UNC13C: variants seen among roughly 807,000 people sequenced by gnomAD.
UNC13C encodes the protein unc-13 homolog C.
Under a neutral mutation model 245.4 loss-of-function variants are expected in UNC13C, and 174 were observed. The ratio of observed to expected loss-of-function variants is 0.71; its 90% CI spans 0.63 to 0.80. The LOEUF is 0.80. UNC13C is among the 30% of genes least tolerant of loss of function. UNC13C has a pLI of 0.00. For missense variants in UNC13C, 2,829 were observed against 2,602.9 expected, an observed-to-expected ratio of 1.09 and a Z score of -1.89; for synonymous variants, 992 against 895.1, an observed-to-expected ratio of 1.11 and a Z score of -1.93.
the UNC13C span, among the ~76,000 whole-genome samples, chr15:53,888,767 T>C: frequency 0.023 from 3,552 of 152,306 alleles, 151 homozygotes; most frequent in African/African-American, 0.081. Context: ...TTTCCATGTA[T>C]GGCTAGCCAG....
intron 24 of UNC13C, 116 bp from the exon 25 acceptor site, chr15:54,525,433 G>GA: frequency 1.9e-6 from 1 of 537,992 alleles, no homozygotes; most frequent in South Asian, 4.4e-5. Flanking sequence ...AAAAAGAAGA[G>GA]AAAAAAGCTT....
chr15:54,630,129 G>A (rs981262516), downstream of UNC13C: 2 of 152,182 alleles, frequency 1.3e-5, no homozygotes, highest in African/African-American at 4.8e-5. Flanking sequence ...GCAAAGCTCT[G>A]TTGCTTGTCT....
At chr15:53,982,102 A>G (rs1005270163) in intron 1 of UNC13C, among the ~76,000 whole-genome samples, 3 of 152,130 alleles carry the variant, frequency 2.0e-5, no homozygotes, top group Non-Finnish European at 2.9e-5. Context: ...TTAAAAAGTA[A>G]TCATAAAAGA....
the UNC13C span, among the ~76,000 whole-genome samples, chr15:53,944,485 C>G: frequency 6.6e-6 from 1 of 152,064 alleles, no homozygotes. Context: ...CATTTAGCTC[C>G]CACTTACAAG....
intron 2 of UNC13C, among the ~76,000 whole-genome samples, chr15:54,113,306 C>G (rs1485108604): frequency 6.6e-6 from 1 of 152,142 alleles, no homozygotes; most frequent in East Asian, 1.9e-4. Context: ...ATCTACTAAA[C>G]TCTGGGATTA....
At chr15:54,348,830 G>A (rs533344332) in intron 17 of UNC13C, among the ~76,000 whole-genome samples, 1 of 152,086 alleles carries the variant, frequency 6.6e-6, no homozygotes, top group Non-Finnish European at 1.5e-5. Flanking sequence ...ATCCAATTCT[G>A]TAACTCTTAA....
chr15:53,961,805 C>T, the UNC13C span, among the ~76,000 whole-genome samples: 493 of 152,206 alleles, frequency 3.2e-3, 22 homozygotes, highest in East Asian at 0.083. Flanking sequence ...CAAATATGTA[C>T]AGTAGCAGAA....
intron 1 of UNC13C, among the ~76,000 whole-genome samples, chr15:54,008,635 C>T (rs928976437): frequency 3.3e-5 from 5 of 152,056 alleles, no homozygotes; most frequent in Non-Finnish European, 4.4e-5. Flanking sequence ...GTTATCTTTG[C>T]GTTCACCCTC....
chr15:54,027,653 A>G (rs1490452939), intron 2 of UNC13C, among the ~76,000 whole-genome samples: 5 of 152,148 alleles, frequency 3.3e-5, no homozygotes, highest in African/African-American at 1.2e-4. Context: ...TCACAGACGT[A>G]AGCCACAGTG....
At chr15:54,320,275 A>G (rs976916286) in intron 13 of UNC13C, among the ~76,000 whole-genome samples, 1 of 152,008 alleles carries the variant, frequency 6.6e-6, no homozygotes. Flanking sequence ...GGAAGTAGGG[A>G]AACTCCTGCG....
At chr15:54,540,783 T>C (rs1372879607) in intron 26 of UNC13C, among the ~76,000 whole-genome samples, 1 of 152,128 alleles carries the variant, frequency 6.6e-6, no homozygotes, top group African/African-American at 2.4e-5. Context: ...ACAATGATTT[T>C]ATTCCTATTT....
At chr15:54,544,673 A>G (rs57409526) in intron 26 of UNC13C, among the ~76,000 whole-genome samples, 3,121 of 152,272 alleles carry the variant, frequency 0.02, 66 homozygotes, top group East Asian at 0.12. Flanking sequence ...AGAGAGCCAA[A>G]TCATGAGTGA....
the UNC13C span, among the ~76,000 whole-genome samples, chr15:53,878,540 G>C: frequency 6.6e-6 from 1 of 152,172 alleles, no homozygotes; most frequent in Admixed American, 6.5e-5. Flanking sequence ...ATAAGGGCCT[G>C]GCTGGGGTTC....
intron 25 of UNC13C, among the ~76,000 whole-genome samples, chr15:54,525,926 C>A (rs1450499187): frequency 2.0e-5 from 3 of 152,148 alleles, no homozygotes; most frequent in Non-Finnish European, 4.4e-5. Context: ...GAAACCATAT[C>A]TCACACCTAT....
At chr15:54,321,030 C>A (rs1321267114) in intron 13 of UNC13C, 2 of 457,764 alleles carry the variant, frequency 4.4e-6, no homozygotes, top group Non-Finnish European at 8.5e-6. Context: ...ACGTTTCCTC[C>A]ATGACCAAAG....
the UNC13C span, among the ~76,000 whole-genome samples, chr15:53,920,126 C>T: frequency 0.93 from 142,223 of 152,240 alleles, 66,650 homozygotes; most frequent in Middle Eastern, 0.98. Context: ...ATAGATAACA[C>T]TCTATTGAAT....
rs79070224 is a variant in UNC13C at position 54,321,358 on chromosome 15, A to G, written c.4269-581A>G. On this transcript the variant is annotated intron_variant, in intron 13 of 32. Transcript: ENST00000260323. ...ATGTCTTCTTTAATGCCACCCACCAAGATCTTTTTCAAATTTAAGTGGGTA... is the reference window on the plus strand; with the variant it reads ...ATGTCTTCTTTAATGCCACCCACCAGGATCTTTTTCAAATTTAAGTGGGTA... The G allele has an allele frequency of 1.4e-4, 67 of 479,994 alleles. No individual in the cohort carries two copies. In the East Asian group the frequency reaches 3.5e-3, roughly 25 times the overall value. The allele number at this position is 479,994 out of a possible 1,614,324, so 29.7% of individuals were successfully genotyped here. A position where few individuals can be genotyped will look rare whatever the true frequency, so the allele number is the denominator to read the frequency against.
chr15:54,632,221 A>G (rs1327983200), downstream of UNC13C: 1 of 152,194 alleles, frequency 6.6e-6, no homozygotes, highest in Non-Finnish European at 1.5e-5. Flanking sequence ...TTCATATTCC[A>G]TATACAAACC....
intron 8 of UNC13C, among the ~76,000 whole-genome samples, chr15:54,255,835 A>G (rs2140875815): frequency 6.6e-6 from 1 of 152,264 alleles, no homozygotes; most frequent in African/African-American, 2.4e-5. Context: ...CCTCTCTCCC[A>G]GCATGTTATT....
Sources: allele counts gnomAD v4.1 joint callset (sites outside exome capture counted in the v4.1 genomes callset), GRCh38; gene constraint gnomAD v4.1.1; transcripts MANE v1.5; gene names NCBI Gene and HGNC (gene_info 2026-07-23, HGNC 2026-07-21).